Variants in SMYD1 observed in about 807,000 individuals in gnomAD.
The protein encoded by SMYD1 is histone-lysine N-methyltransferase SMYD1.
Under a neutral mutation model 54.0 loss-of-function variants are expected in SMYD1, and 49 were observed. The observed-to-expected ratio is 0.91, with a 90% confidence interval of 0.72 to 1.15. SMYD1 has a LOEUF of 1.15. Ranked by LOEUF, SMYD1 falls within the 50% of genes most tolerant of loss-of-function variation. The probability of loss-of-function intolerance (pLI) is 0.00; values close to 1 mark genes in which losing one functional copy is unlikely to be tolerated. For missense variants in SMYD1, 653 were observed against 639.6 expected (o/e 1.02, Z -0.23); for synonymous variants, 269 against 234.2 (o/e 1.15, Z -1.36).
At position 88,067,828 on chromosome 2, in the gene SMYD1, G is replaced by A. The variant is rs767598360; in HGVS notation, c.-37G>A. On this transcript the variant is annotated 5_prime_UTR_variant, in exon 1 of 10. Transcript: ENST00000419482. ...GCAATGACAAGAGACTTGGCTCAGT[G>A]TTAAATAACTGCCGCGCTGGCCTGA... The A allele has an allele frequency of 5.6e-6, 9 of 1,606,288 alleles. No individual in the cohort carries two copies. The highest frequency in any genetic ancestry group is 5.9e-6 in the Non-Finnish European group (7 of 1,176,616).
chr2:88,110,413 C>T lies in SMYD1; in HGVS notation c.1374C>T (p.Tyr458=), dbSNP rs991606369. ...TGTTCCGCCAGAACGAATTCATGTACTACAAGATGCGCGAGGCTGCCCTGA... is the reference window on the plus strand; with the variant it reads ...TGTTCCGCCAGAACGAATTCATGTATTACAAGATGCGCGAGGCTGCCCTGA... The part of the protein sequence containing the change: ...LRMFRQNEFM[Y]YKMREAALNN... The change falls in exon 10 of 10, where the codon TAC becomes TAT. Residue 458 remains tyrosine (Y), a synonymous_variant. Transcript: ENST00000419482. 8 of 1,612,324 alleles carry T rather than the reference C, an allele frequency of 5.0e-6. No homozygotes were observed. The highest frequency in any genetic ancestry group is 6.8e-6 in the Non-Finnish European group (8 of 1,179,284).
intron 4 of SMYD1, among the ~76,000 whole-genome samples, chr2:88,091,550 G>A (rs1674462688): frequency 6.6e-6 from 1 of 152,142 alleles, no homozygotes; most frequent in Non-Finnish European, 1.5e-5. Flanking sequence ...CAGGGTTTAA[G>A]ATACTAACAA....
At chr2:88,086,619 C>G (rs972712351) in intron 2 of SMYD1, among the ~76,000 whole-genome samples, 1 of 152,192 alleles carries the variant, frequency 6.6e-6, no homozygotes, top group Non-Finnish European at 1.5e-5. Flanking sequence ...GTGGCTGCCT[C>G]GAGGCCTCCG....
chr2:88,106,631 T>C, intron 8 of SMYD1, 143 bp downstream of exon 8: 1 of 833,648 alleles, frequency 1.2e-6, no homozygotes. Flanking sequence ...TCTTTTTGAC[T>C]GAGTCTTTTT....
intron 1 of SMYD1, among the ~76,000 whole-genome samples, chr2:88,073,378 C>T (rs939597124): frequency 1.3e-5 from 2 of 152,114 alleles, no homozygotes; most frequent in Admixed American, 1.3e-4. Context: ...CATATGAGTG[C>T]AGGTGTGTTT....
chr2:88,096,615 G>A lies in SMYD1; in HGVS notation c.719G>A (p.Gly240Asp), dbSNP rs767781995. The A allele has an allele frequency of 6.2e-7, 1 of 1,613,106 alleles. No homozygotes were observed. Among genetic ancestry groups the A allele is most frequent in the South Asian group, 1.1e-5 (1 of 90,870 alleles). The change falls in exon 6 of 10, where the codon GGC becomes GAC. Residue 240 changes from glycine (G) to aspartate (D), a missense_variant. Gly to Asp is a moderately conservative substitution (Grantham distance 94). Transcript: ENST00000419482. ...TTCAGAATTGAGCTCCGGGCCCTAG[G>A]CAAGATCTCAGAAGGAGAGGAGCTG... ...TQMRIELRAL[G>D]KISEGEELTV...
intron 1 of SMYD1, among the ~76,000 whole-genome samples, chr2:88,074,067 T>C (rs961138571): frequency 9.2e-5 from 14 of 152,198 alleles, no homozygotes; most frequent in Admixed American, 7.9e-4. Flanking sequence ...GGTTTCACTA[T>C]GTTGCCAAGG....
chr2:88,096,541 TC>T, intron 5 of SMYD1, 53 bp from the exon 6 acceptor site: 7 of 1,487,984 alleles, frequency 4.7e-6, no homozygotes, highest in Non-Finnish European at 6.4e-6. Context: ...AGAGCACGGA[TC>T]CCATTCCAGT....
rs778272263 is a variant in SMYD1, at chr2:88,110,454, A to G, written c.1415A>G (p.Gln472Arg). 7 of 1,606,204 alleles carry G rather than the reference A, an allele frequency of 4.4e-6. No individual in the cohort carries two copies. In the East Asian group the frequency reaches 1.3e-4, roughly 31 times the overall value. ...REAALNNQPM[Q>R]VMAEPSNEPS... ...GCTGCCCTGAACAACCAGCCCATGCAGGTCATGGCCGAGCCCAGCAATGAG... is the reference window on the plus strand; with the variant it reads ...GCTGCCCTGAACAACCAGCCCATGCGGGTCATGGCCGAGCCCAGCAATGAG... Residue 472 changes from glutamine to arginine, a missense_variant, in exon 10 of 10, where the codon CAG (glutamine) becomes CGG (arginine). By Grantham distance (43) the Gln-to-Arg change is conservative. Transcript: ENST00000419482.
Position 88,112,155 on chromosome 2 carries a change from C to T in SMYD1, c.*1643C>T, listed in dbSNP as rs189025545. 3.8e-5 allele frequency: 27 copies of T among 703,324 alleles called. No homozygotes were observed. Among genetic ancestry groups the T allele is most frequent in the Middle Eastern group, 4.6e-4 (2 of 4,372 alleles). 43.6% of individuals were successfully genotyped at this position (703,324 alleles called of 1,614,324 possible). A position where few individuals can be genotyped will look rare whatever the true frequency, so the allele number is the denominator to read the frequency against. ...AGCCCCCACATCACAGGCTTAGGGACGGCACTAACTTTCTCCCAGGGATCT... is the reference window on the plus strand; with the variant it reads ...AGCCCCCACATCACAGGCTTAGGGATGGCACTAACTTTCTCCCAGGGATCT... On this transcript the variant is annotated 3_prime_UTR_variant, in exon 10 of 10. Coordinates refer to ENST00000419482, the MANE Select transcript of SMYD1 (RefSeq NM_198274.4).
chr2:88,087,816 G>T (rs1459199108), intron 2 of SMYD1, 46 bp from the exon 3 acceptor site: 3 of 1,465,228 alleles, frequency 2.0e-6, no homozygotes, highest in Non-Finnish European at 2.7e-6. Context: ...TGTGTTGAAG[G>T]AATGAATGCA....
intron 1 of SMYD1, among the ~76,000 whole-genome samples, chr2:88,068,839 A>G (rs561682204): frequency 3.3e-5 from 5 of 152,350 alleles, no homozygotes; most frequent in Non-Finnish European, 5.9e-5. Context: ...CTATAAATAT[A>G]TGACATTTTA....
chr2:88,098,099 C>T (rs10172582), intron 6 of SMYD1, among the ~76,000 whole-genome samples: 6 of 152,310 alleles, frequency 3.9e-5, no homozygotes, highest in East Asian at 1.9e-4. Flanking sequence ...ACCCTCACCC[C>T]GACCTTTCAG....
chr2:88,101,913 C>A (rs1179068654), intron 6 of SMYD1, among the ~76,000 whole-genome samples: 1 of 152,182 alleles, frequency 6.6e-6, no homozygotes, highest in South Asian at 2.1e-4. Context: ...GCTGACATAC[C>A]CATTGTTGAT....
At chr2:88,084,181 G>T in intron 1 of SMYD1, 135 bp from the exon 2 acceptor site, 1 of 666,906 alleles carries the variant, frequency 1.5e-6, no homozygotes, top group Non-Finnish European at 2.3e-6. Context: ...TCCTCATTTT[G>T]GAAGGTGGAA....
chr2:88,084,723 T>C (rs938949597), intron 2 of SMYD1, among the ~76,000 whole-genome samples: 2 of 152,084 alleles, frequency 1.3e-5, no homozygotes, highest in African/African-American at 4.8e-5. Context: ...GGCTTGCAGA[T>C]TCCTTCTGTA....
chr2:88,084,339 C>T lies in SMYD1; in HGVS notation c.161C>T (p.Thr54Ile), dbSNP rs1239276157. Residue 54 changes from threonine to isoleucine, a missense_variant, in exon 2 of 10, where the codon ACC becomes ATC. Transcript: ENST00000419482. ...AGCCTTGTTAATTTTGTGTGCCACA[C>T]CTGCTTCAAGAGGCAGGAGAAGCTC... ...FDSLVNFVCH[T>I]CFKRQEKLHR... 1.3e-6 allele frequency: 2 copies of T among 1,578,186 alleles called. No homozygotes were observed. The highest frequency in any genetic ancestry group is 2.3e-5 in the East Asian group (1 of 43,988).
At chr2:88,100,091 T>C (rs1030448980) in intron 6 of SMYD1, among the ~76,000 whole-genome samples, 2 of 151,988 alleles carry the variant, frequency 1.3e-5, no homozygotes, top group Non-Finnish European at 2.9e-5. Context: ...TCTGTAGAAT[T>C]TGATGCTCCT....
chr2:88,070,511 A>T (rs930945007), intron 1 of SMYD1, among the ~76,000 whole-genome samples: 1 of 151,312 alleles, frequency 6.6e-6, no homozygotes, highest in African/African-American at 2.4e-5. Context: ...AACATATATT[A>T]TATAAAGCAT....
Sources: allele counts gnomAD v4.1 joint callset (sites outside exome capture counted in the v4.1 genomes callset), GRCh38; gene constraint gnomAD v4.1.1; transcripts MANE v1.5; gene names NCBI Gene and HGNC (gene_info 2026-07-23, HGNC 2026-07-21).